Variants in TSC22D2 observed in about 807,000 individuals in gnomAD.
The protein encoded by TSC22D2 is TSC22 domain family protein 2.
TSC22D2 carries 5 observed loss-of-function variants against 50.1 expected under a neutral mutation model. The ratio of observed to expected loss-of-function variants is 0.10; its 90% CI spans 0.05 to 0.21. The LOEUF (loss-of-function observed/expected upper bound fraction) is 0.21. TSC22D2 is among the 10% of genes least tolerant of loss of function. The pLI is 1.00. For synonymous variants in TSC22D2, 501 were observed against 450.1 expected (o/e 1.11, Z -1.43); for missense variants, 1,003 against 1,015.5 (o/e 0.99, Z 0.17).
intron 1 of TSC22D2, 82 bp from the exon 2 acceptor site, chr3:150,456,994 C>G: frequency 7.9e-7 from 1 of 1,272,740 alleles, no homozygotes; most frequent in Non-Finnish European, 1.1e-6. Flanking sequence ...TTAAGTGAAA[C>G]ACAAATGTCT....
Position 150,457,077 on chromosome 3 carries a change from G to A in TSC22D2, c.1960G>A (p.Ala654Thr). 2 of 1,611,878 alleles carry A rather than the reference G, an allele frequency of 1.2e-6. No homozygotes were observed. Among genetic ancestry groups the A allele is most frequent in the Non-Finnish European group, 1.7e-6 (2 of 1,179,386 alleles). Reference sequence around the variant, plus strand: ...ATAACATATTCTAATTTTTTCCAGTGCATCTGGGGGAGGTGTTGTAGCCAT... The same window carrying A: ...ATAACATATTCTAATTTTTTCCAGTACATCTGGGGGAGGTGTTGTAGCCAT... ...AIPVDGDEDS[A>T]SGGGVVAIDN... The change falls in exon 2 of 3, where the codon GCA (alanine) becomes ACA (threonine). Residue 654 changes from alanine to threonine, a missense_variant and splice_region_variant. Coordinates refer to ENST00000688009, the MANE Select transcript of TSC22D2 (RefSeq NM_001303264.2).
intron 1 of TSC22D2, among the ~76,000 whole-genome samples, chr3:150,435,706 CTT>C (rs1203565910): frequency 1.3e-5 from 2 of 152,180 alleles, no homozygotes; most frequent in East Asian, 1.9e-4. Flanking sequence ...TTTAGGAACT[CTT>C]TTAGACCTGT....
chr3:150,431,872 T>TG (rs1167794077), intron 1 of TSC22D2, among the ~76,000 whole-genome samples: 3 of 152,192 alleles, frequency 2.0e-5, no homozygotes, highest in Middle Eastern at 3.2e-3. Flanking sequence ...TATGTATGTA[T>TG]TAAATTGGGC....
intron 1 of TSC22D2, chr3:150,422,990 A>T: frequency 8.1e-7 from 1 of 1,230,992 alleles, no homozygotes; most frequent in African/African-American, 1.5e-5. Context: ...TCTTTTGAAA[A>T]GTAGTGATTA....
In TSC22D2 at chr3:150,425,129, C is replaced by G. The variant is rs544073276; in HGVS notation, c.1958+13821C>G. 2.6e-5 allele frequency among the ~76,000 whole-genome samples: 4 copies of G among 152,230 alleles called. No individual in the cohort carries two copies. In the South Asian group the frequency reaches 8.3e-4, roughly 32 times the overall value. On this transcript the variant is annotated intron_variant, in intron 1 of 2. Coordinates refer to ENST00000688009, the MANE Select transcript of TSC22D2 (RefSeq NM_001303264.2). ...TGACCTTGATTGTTCTGGAAATCAC[C>G]AAATCACATTGTTCATTTTTACTAT...
rs1188489348 is a variant in TSC22D2, at chr3:150,408,453, G to C, written c.-898G>C. 6.6e-6 allele frequency: 1 copy of C among 152,446 alleles called. No individual in the cohort carries two copies. The highest frequency in any genetic ancestry group is 2.4e-5 in the African/African-American group (1 of 41,474). The allele number at this position is 152,446 out of a possible 1,614,324, so 9.4% of individuals were successfully genotyped here. On this transcript the variant is annotated 5_prime_UTR_variant, in exon 1 of 3. Coordinates refer to ENST00000688009, the MANE Select transcript of TSC22D2 (RefSeq NM_001303264.2). ...GGGGTTTAGGAATTGGGCGCACCGA[G>C]GAGGAGCCGGAGAAGCCACCACCGC...
Position 150,458,241 on chromosome 3 carries a change from G to A in TSC22D2, c.2011-135G>A, listed in dbSNP as rs116705441. 1,137 of 927,594 alleles carry A rather than the reference G, an allele frequency of 1.2e-3. 12 individuals carry two copies. In the African/African-American group the frequency reaches 0.015, roughly 12 times the overall value. The allele number at this position is 927,594 out of a possible 1,614,324, so 57.5% of individuals were successfully genotyped here. ...TTCCAACCCATCTTCCATAGGCTCG[G>A]TCAAGATAAAGCAGAAACATTAAAA... On this transcript the variant is annotated intron_variant, in intron 2 of 2. Coordinates refer to ENST00000688009, the MANE Select transcript of TSC22D2 (RefSeq NM_001303264.2).
At position 150,416,311 on chromosome 3, in the gene TSC22D2, G is replaced by A. The variant is rs77971580; in HGVS notation, c.1958+5003G>A. Among the ~76,000 whole-genome samples the A allele has an allele frequency of 1.4e-4, 22 of 152,256 alleles. No individual in the cohort carries two copies. In the East Asian group the frequency reaches 3.7e-3, roughly 25 times the overall value. On this transcript the variant is annotated intron_variant, in intron 1 of 2. Coordinates refer to ENST00000688009, the MANE Select transcript of TSC22D2 (RefSeq NM_001303264.2). ...ATACTTAAAGTATGAGGAAGGAGAGGCCTTACAAAAGCAGGTCTGTCTGGT... is the reference window on the plus strand; with the variant it reads ...ATACTTAAAGTATGAGGAAGGAGAGACCTTACAAAAGCAGGTCTGTCTGGT...
At chr3:150,426,940 G>C (rs989792465) in intron 1 of TSC22D2, among the ~76,000 whole-genome samples, 2 of 152,016 alleles carry the variant, frequency 1.3e-5, no homozygotes, top group African/African-American at 4.8e-5. Context: ...ATTTTGTGTA[G>C]GGAACGCCTT....
At position 150,461,933 on chromosome 3, in the gene TSC22D2, G is replaced by A. The variant is rs1231301642; in HGVS notation, c.*3297G>A. ...TTTGCAGAACCAGAAATAGCTAATT[G>A]TCTGGAAACAATTTTTAAGATTTGA... On this transcript the variant is annotated 3_prime_UTR_variant, in exon 3 of 3. Transcript: ENST00000688009. The A allele has an allele frequency of 6.6e-6, 1 of 151,478 alleles. No individual in the cohort carries two copies. The highest frequency in any genetic ancestry group is 1.5e-5 in the Non-Finnish European group (1 of 67,954). The allele number at this position is 151,478 out of a possible 1,614,324, so 9.4% of individuals were successfully genotyped here. A position where few individuals can be genotyped will look rare whatever the true frequency, so the allele number is the denominator to read the frequency against.
Position 150,459,327 on chromosome 3 carries a change from A to C in TSC22D2, c.*691A>C, listed in dbSNP as rs1382258954. ...TAAATTTTGTATAGTGTAAGTATGA[A>C]GAACATAGTGCAACTGTACAGGTAG... is the stretch of plus-strand genomic sequence containing the variant. On this transcript the variant is annotated 3_prime_UTR_variant, in exon 3 of 3. Coordinates refer to ENST00000688009, the MANE Select transcript of TSC22D2 (RefSeq NM_001303264.2). The C allele has an allele frequency of 2.6e-5, 4 of 152,614 alleles. No homozygotes were observed. The highest frequency in any genetic ancestry group is 4.4e-5 in the Non-Finnish European group (3 of 68,028). The allele number at this position is 152,614 out of a possible 1,614,324, so 9.5% of individuals were successfully genotyped here.
At position 150,410,874 on chromosome 3, in the gene TSC22D2, C is replaced by T. The variant is rs771175180; in HGVS notation, c.1524C>T (p.Asn508=). The change falls in exon 1 of 3, where the codon AAC becomes AAT. Residue 508 remains asparagine, a synonymous_variant. Coordinates refer to ENST00000688009, the MANE Select transcript of TSC22D2 (RefSeq NM_001303264.2). ...GPHAVVPGVP[N]VPAAVPAPSV... ...ACGCCGTGGTGCCCGGAGTTCCAAA[C>T]GTGCCTGCAGCCGTGCCCGCTCCAA... 6.2e-7 allele frequency: 1 copy of T among 1,613,930 alleles called. No individual in the cohort carries two copies. Among genetic ancestry groups the T allele is most frequent in the East Asian group, 2.2e-5 (1 of 44,876 alleles).
chr3:150,415,877 C>G (rs531473010), intron 1 of TSC22D2, among the ~76,000 whole-genome samples: 5 of 152,188 alleles, frequency 3.3e-5, no homozygotes, highest in Non-Finnish European at 7.4e-5. Context: ...GGTACTGGAT[C>G]TATGAATCTG....
Position 150,410,153 on chromosome 3 carries a change from G to A in TSC22D2, c.803G>A (p.Ser268Asn). ...CAGCCCACTCCGGCCCAGCCGCAGA[G>A]TTTTAGCGTTGGGCAGCCACAGCCG... ...MSQPTPAQPQ[S>N]FSVGQPQPPP... The change falls in exon 1 of 3, where the codon AGT (serine) becomes AAT (asparagine). Residue 268 changes from serine to asparagine, a missense_variant. Coordinates refer to ENST00000688009, the MANE Select transcript of TSC22D2 (RefSeq NM_001303264.2). 1.2e-6 allele frequency: 2 copies of A among 1,611,464 alleles called. No homozygotes were observed. The highest frequency in any genetic ancestry group is 1.7e-6 in the Non-Finnish European group (2 of 1,179,548).
chr3:150,461,119 TG>T lies in TSC22D2; in HGVS notation c.*2485del, dbSNP rs1488226489. 1 of 152,196 alleles carries T rather than the reference TG, an allele frequency of 6.6e-6. No individual in the cohort carries two copies. Among genetic ancestry groups the T allele is most frequent in the Non-Finnish European group, 1.5e-5 (1 of 68,036 alleles). 9.4% of individuals were successfully genotyped at this position (152,196 alleles called of 1,614,324 possible). A position where few individuals can be genotyped will look rare whatever the true frequency, so the allele number is the denominator to read the frequency against. On this transcript the variant is annotated 3_prime_UTR_variant, in exon 3 of 3. Transcript: ENST00000688009. ...TCCTGTGTACTTTTAGAAAGTAATTTGGCAGTATGTATCTAGAGCCTTAAAT... is the reference window on the plus strand; with the variant it reads ...TCCTGTGTACTTTTAGAAAGTAATTTGCAGTATGTATCTAGAGCCTTAAAT...
At position 150,410,447 on chromosome 3, in the gene TSC22D2, C is replaced by A; in HGVS notation, c.1097C>A (p.Pro366His). Residue 366 changes from proline (P) to histidine (H), a missense_variant, in exon 1 of 3, where the codon CCC (proline) becomes CAC (histidine). Pro to His is a moderately conservative substitution (Grantham distance 77). This residue lies in a region of TSC22D2 where 696 missense variants were observed against 647.8 expected (regional missense o/e 1.07). Transcript: ENST00000688009. ...GCGTATCCTCAGCCTCAGATACCGCCCGGACATTTGCTGCCCGTCCAGCCC... is the reference window on the plus strand; with the variant it reads ...GCGTATCCTCAGCCTCAGATACCGCACGGACATTTGCTGCCCGTCCAGCCC... ...QFAYPQPQIP[P>H]GHLLPVQPSG... 1 of 1,609,402 alleles carries A rather than the reference C, an allele frequency of 6.2e-7. No homozygotes were observed. The highest frequency in any genetic ancestry group is 2.2e-5 in the East Asian group (1 of 44,584).
chr3:150,411,340 GA>G, intron 1 of TSC22D2, 32 bp downstream of exon 1: 2 of 1,558,814 alleles, frequency 1.3e-6, no homozygotes, highest in Non-Finnish European at 1.7e-6. Context: ...ATATTTGATA[GA>G]AATGCTTGGC....
chr3:150,419,031 T>G (rs1719920042), intron 1 of TSC22D2, among the ~76,000 whole-genome samples: 1 of 152,064 alleles, frequency 6.6e-6, no homozygotes, highest in Non-Finnish European at 1.5e-5. Flanking sequence ...TTGGTACATG[T>G]TGAGATACTC....
intron 1 of TSC22D2, among the ~76,000 whole-genome samples, chr3:150,428,811 G>A (rs1720283755): frequency 6.6e-6 from 1 of 152,148 alleles, no homozygotes; most frequent in Admixed American, 6.5e-5. Context: ...ATATCCAGGG[G>A]TATTTCAACA....
Sources: allele counts gnomAD v4.1 joint callset (sites outside exome capture counted in the v4.1 genomes callset), GRCh38; gene constraint gnomAD v4.1.1; regional missense constraint gnomAD v4.1.1; transcripts MANE v1.5; gene names NCBI Gene and HGNC (gene_info 2026-07-23, HGNC 2026-07-21).